RYR2: variants seen among roughly 807,000 people sequenced by gnomAD.
RYR2 encodes the protein ryanodine receptor 2.
A neutral mutation model predicts 601.1 loss-of-function variants in RYR2; 227 were observed. That is an observed-to-expected ratio of 0.38 (90% confidence interval 0.34 to 0.42). The LOEUF (loss-of-function observed/expected upper bound fraction) is 0.42, where lower values mean the gene tolerates loss of function less well. RYR2 is among the 10% of genes least tolerant of loss of function. The pLI, the probability that RYR2 is intolerant of heterozygous loss-of-function variation, is 1.00. For synonymous variants in RYR2, 2,223 were observed against 2,175.1 expected, an observed-to-expected ratio of 1.02 and a Z score of -0.61; for missense variants, 4,646 against 6,156.5, an observed-to-expected ratio of 0.75 and a Z score of 8.21.
At chr1:237,602,169 G>C in intron 35 of RYR2, 58 bp downstream of exon 35, 5 of 1,322,484 alleles carry the variant, frequency 3.8e-6, no homozygotes, top group Non-Finnish European at 5.3e-6. Flanking sequence ...ATATAGCATT[G>C]ATTTATTCTG....
intron 74 of RYR2, among the ~76,000 whole-genome samples, chr1:237,724,207 ATATATATATAT>A (rs1690008616): frequency 3.6e-5 from 4 of 111,388 alleles, no homozygotes; most frequent in Non-Finnish European, 6.5e-5. Context: ...ATATATATAT[ATATATATATAT>A]GTATGTGTGA....
At chr1:237,185,867 A>G (rs1679285949) in intron 1 of RYR2, among the ~76,000 whole-genome samples, 1 of 152,202 alleles carries the variant, frequency 6.6e-6, no homozygotes, top group African/African-American at 2.4e-5. Flanking sequence ...TTTGTACACC[A>G]AGGTTAAACA....
intron 10 of RYR2, among the ~76,000 whole-genome samples, chr1:237,416,366 G>A (rs1430453960): frequency 6.6e-6 from 1 of 152,132 alleles, no homozygotes; most frequent in Non-Finnish European, 1.5e-5. Context: ...ATAATCTCAA[G>A]GCGTTGGTGC....
intron 100 of RYR2, among the ~76,000 whole-genome samples, chr1:237,810,686 GAATA>G (rs1661156542): frequency 6.6e-6 from 1 of 152,054 alleles, no homozygotes; most frequent in Non-Finnish European, 1.5e-5. Context: ...CACAAGCTAG[GAATA>G]ATCTAAATGA....
chr1:237,494,894 C>G (rs902782001), intron 19 of RYR2, among the ~76,000 whole-genome samples: 9 of 151,944 alleles, frequency 5.9e-5, no homozygotes, highest in Non-Finnish European at 1.0e-4. Context: ...GGGTTCAAGC[C>G]ATTCTCCTGC....
chr1:237,634,715 A>G (rs1206372202), intron 43 of RYR2, among the ~76,000 whole-genome samples, 174 bp from the exon 44 acceptor site: 4 of 148,528 alleles, frequency 2.7e-5, no homozygotes, highest in African/African-American at 1.0e-4. Context: ...AATATATACA[A>G]TTTTTATTTG....
intron 84 of RYR2, among the ~76,000 whole-genome samples, chr1:237,768,648 A>T (rs1441842454): frequency 2.0e-5 from 3 of 152,162 alleles, no homozygotes; most frequent in Admixed American, 1.3e-4. Context: ...CTTACAATGG[A>T]ATTTCTTTTG....
chr1:237,343,796 G>A (rs114716355), intron 3 of RYR2, among the ~76,000 whole-genome samples: 2,321 of 150,290 alleles, frequency 0.015, 27 homozygotes, highest in South Asian at 0.029. Flanking sequence ...TGATTTGTAT[G>A]TAGTTTCCCC....
chr1:237,317,909 GACA>G (rs1391581100), intron 2 of RYR2, among the ~76,000 whole-genome samples: 23 of 151,998 alleles, frequency 1.5e-4, no homozygotes, highest in Middle Eastern at 3.2e-3. Flanking sequence ...TTTTTATCCT[GACA>G]ACCTCTACAT....
At chr1:237,338,070 TA>T (rs1697418248) in intron 3 of RYR2, among the ~76,000 whole-genome samples, 1 of 152,146 alleles carries the variant, frequency 6.6e-6, no homozygotes, top group African/African-American at 2.4e-5. Context: ...AGCAGTGACC[TA>T]CCATGTCACA....
At chr1:237,334,034 T>A (rs1324688884) in intron 3 of RYR2, among the ~76,000 whole-genome samples, 1 of 152,214 alleles carries the variant, frequency 6.6e-6, no homozygotes, top group Admixed American at 6.5e-5. Context: ...AAACAATACT[T>A]ATACTATTTC....
chr1:237,745,985 G>A (rs1444068204), intron 80 of RYR2, among the ~76,000 whole-genome samples: 3 of 151,568 alleles, frequency 2.0e-5, no homozygotes, highest in East Asian at 1.9e-4. Context: ...TATGTAACAT[G>A]CTACTCTTAA....
At chr1:237,454,275 A>G (rs1658535072) in intron 14 of RYR2, 116 bp from the exon 15 acceptor site, 1 of 1,032,698 alleles carries the variant, frequency 9.7e-7, no homozygotes, top group African/African-American at 1.6e-5. Flanking sequence ...CCTTTCTGAC[A>G]TGTCCCTTTT....
At chr1:237,453,564 T>C (rs1658450601) in intron 14 of RYR2, among the ~76,000 whole-genome samples, 3 of 152,182 alleles carry the variant, frequency 2.0e-5, no homozygotes, top group Admixed American at 2.0e-4. Context: ...GTAATATTTC[T>C]ATGCATTAAC....
intron 1 of RYR2, among the ~76,000 whole-genome samples, chr1:237,220,959 G>C (rs1683734814): frequency 6.6e-6 from 1 of 152,098 alleles, no homozygotes; most frequent in Non-Finnish European, 1.5e-5. Context: ...AGCTGGGCGT[G>C]GTGGTGGGTG....
Position 237,152,267 on chromosome 1 carries a change from G to C in RYR2, c.48+109698G>C, listed in dbSNP as rs180708134. On this transcript the variant is annotated intron_variant, in intron 1 of 104. Transcript: ENST00000366574. The stretch of plus-strand genomic sequence containing the variant: ...TCCAGTCTATCATTGATGGGCATTT[G>C]GGTTGGTTCCATGTCTTCGCTATTG... Among the ~76,000 whole-genome samples, 268 of 152,246 alleles carry C rather than the reference G, an allele frequency of 1.8e-3. 6 individuals carry two copies. The highest frequency in any genetic ancestry group is 3.2e-4 in the Non-Finnish European group (22 of 68,002).
chr1:237,160,509 T>C (rs889269718), intron 1 of RYR2, among the ~76,000 whole-genome samples: 1 of 152,172 alleles, frequency 6.6e-6, no homozygotes, highest in East Asian at 1.9e-4. Context: ...GTCCTTGTTT[T>C]AGATTTAGAA....
chr1:237,536,121 T>C (rs987635336), intron 25 of RYR2, among the ~76,000 whole-genome samples: 1 of 152,234 alleles, frequency 6.6e-6, no homozygotes, highest in African/African-American at 2.4e-5. Flanking sequence ...CAATAGCAGG[T>C]AATATTGCAT....
chr1:237,415,554 T>A (rs1374655154), intron 10 of RYR2, among the ~76,000 whole-genome samples: 1 of 152,188 alleles, frequency 6.6e-6, no homozygotes, highest in Admixed American at 6.5e-5. Context: ...TTTCTAGATC[T>A]CACTACCAAT....
Sources: allele counts gnomAD v4.1 joint callset (sites outside exome capture counted in the v4.1 genomes callset), GRCh38; gene constraint gnomAD v4.1.1; transcripts MANE v1.5; gene names NCBI Gene and HGNC (gene_info 2026-07-23, HGNC 2026-07-21).